GALNT2: variants seen among roughly 807,000 people sequenced by gnomAD.
GALNT2 encodes the protein polypeptide N-acetylgalactosaminyltransferase 2, also known as UDP-GalNAc:polypeptide N-acetylgalactosaminyltransferase 2.
GALNT2 carries 31 observed loss-of-function variants against 81.4 expected under a neutral mutation model. The observed-to-expected ratio is 0.38, with a 90% CI of 0.29 to 0.51. GALNT2 has a LOEUF of 0.51. GALNT2 is among the 20% of genes least tolerant of loss of function. GALNT2 has a pLI of 0.87. For missense variants in GALNT2, 629 were observed against 765.7 expected (o/e 0.82, Z 2.11); for synonymous variants, 303 against 287.4 (o/e 1.05, Z -0.55).
At chr1:230,269,046 G>T (rs950122337) in intron 14 of GALNT2, among the ~76,000 whole-genome samples, 32 of 152,138 alleles carry the variant, frequency 2.1e-4, no homozygotes, top group Non-Finnish European at 4.3e-4. Context: ...TCACATGTGG[G>T]CTTTCCCTTC....
intron 3 of GALNT2, among the ~76,000 whole-genome samples, chr1:230,225,486 T>A (rs1299633363): frequency 1.3e-5 from 2 of 152,166 alleles, no homozygotes; most frequent in East Asian, 3.9e-4. Context: ...GGGCTAGATC[T>A]TTTCAGCCTG....
intron 1 of GALNT2, among the ~76,000 whole-genome samples, chr1:230,117,977 G>A (rs974700789): frequency 6.6e-5 from 10 of 152,144 alleles, no homozygotes; most frequent in Admixed American, 1.3e-4. Context: ...GAATAGCTTC[G>A]CTGCCCTTGG....
intron 1 of GALNT2, among the ~76,000 whole-genome samples, chr1:230,072,221 C>T (rs1659397520): frequency 6.6e-6 from 1 of 151,948 alleles, no homozygotes; most frequent in Non-Finnish European, 1.5e-5. Context: ...TGCTACTGCT[C>T]ATGTTTCTTA....
chr1:230,204,355 G>A (rs1360465968), intron 3 of GALNT2, among the ~76,000 whole-genome samples: 2 of 151,628 alleles, frequency 1.3e-5, no homozygotes, highest in Non-Finnish European at 2.9e-5. Context: ...TTTTAGTAGA[G>A]ATGGGATTTC....
chr1:230,237,019 A>G (rs936684077), intron 6 of GALNT2, among the ~76,000 whole-genome samples: 2 of 152,214 alleles, frequency 1.3e-5, no homozygotes, highest in African/African-American at 2.4e-5. Context: ...CTTGAATACA[A>G]AAGTTTAGAA....
At chr1:230,264,898 T>G (rs1010510243) in intron 13 of GALNT2, 4 of 221,104 alleles carry the variant, frequency 1.8e-5, no homozygotes, top group African/African-American at 4.7e-5. Context: ...CAACAGGATC[T>G]GACCACATTG....
rs147018815 is a variant in GALNT2 at position 230,263,424 on chromosome 1, G to A, written c.1313+419G>A. Reference sequence around the variant, plus strand: ...CCGCCAGGCGCCTTTGCATGCCTCCGATCTGCTGCGCTCACCCTTGCTGCT... The same window carrying A: ...CCGCCAGGCGCCTTTGCATGCCTCCAATCTGCTGCGCTCACCCTTGCTGCT... On this transcript the variant is annotated intron_variant, in intron 13 of 15. Transcript: ENST00000366672. 79 of 191,900 alleles carry A rather than the reference G, an allele frequency of 4.1e-4. 1 individual carries two copies. In the South Asian group the frequency reaches 4.9e-3, roughly 12 times the overall value. 11.9% of individuals were successfully genotyped at this position (191,900 alleles called of 1,614,324 possible). A position where few individuals can be genotyped will look rare whatever the true frequency, so the allele number is the denominator to read the frequency against.
intron 3 of GALNT2, among the ~76,000 whole-genome samples, chr1:230,205,532 C>G (rs546084281): frequency 6.6e-6 from 1 of 152,312 alleles, no homozygotes; most frequent in South Asian, 2.1e-4. Context: ...CAGCTCTACT[C>G]AGTCCTTATG....
At chr1:230,262,715 G>A (rs879287458) in intron 12 of GALNT2, 50 bp downstream of exon 12, 1 of 1,459,518 alleles carries the variant, frequency 6.9e-7, no homozygotes, top group Non-Finnish European at 9.6e-7. Context: ...CTTGGGGTGT[G>A]GGGGTGGGAG....
Position 230,236,496 on chromosome 1 carries a change from A to G in GALNT2, c.541+76A>G, listed in dbSNP as rs1262772016. On this transcript the variant is annotated intron_variant, in intron 5 of 15. Coordinates refer to ENST00000366672, the MANE Select transcript of GALNT2 (RefSeq NM_004481.5). Reference sequence around the variant, plus strand: ...CAGTCTTCCTGTAGTGGGGGTGCTAATGAGGCGTGAACAAGCCAGAAATCA... The same window carrying G: ...CAGTCTTCCTGTAGTGGGGGTGCTAGTGAGGCGTGAACAAGCCAGAAATCA... 2.0e-6 allele frequency: 3 copies of G among 1,504,612 alleles called. No individual in the cohort carries two copies. In the African/African-American group the frequency reaches 4.1e-5, roughly 21 times the overall value. The allele number at this position is 1,504,612 out of a possible 1,614,324, so 93.2% of individuals were successfully genotyped here.
chr1:230,178,131 T>C (rs1663043602), intron 1 of GALNT2, 87 bp from the exon 2 acceptor site: 2 of 1,037,534 alleles, frequency 1.9e-6, no homozygotes, highest in Admixed American at 4.3e-5. Flanking sequence ...AAGTGTTAAC[T>C]CTCCTAAGAC....
intron 1 of GALNT2, among the ~76,000 whole-genome samples, chr1:230,133,449 CTTTT>C (rs71934973): frequency 1.4e-5 from 2 of 140,326 alleles, no homozygotes; most frequent in Non-Finnish European, 1.6e-5. Context: ...TTTCTTTTTT[CTTTT>C]TTTTTTTTTT....
Position 230,271,710 on chromosome 1 carries a change from G to A in GALNT2, c.1441-2735G>A, listed in dbSNP as rs72650168. 0.044 allele frequency among the ~76,000 whole-genome samples: 6,743 copies of A among 152,352 alleles called. 193 individuals are homozygous for A. The highest frequency in any genetic ancestry group is 0.065 in the Non-Finnish European group (4,391 of 68,036). On this transcript the variant is annotated intron_variant, in intron 14 of 15. Transcript: ENST00000366672. This position sits in a 1 kb window ranked among gnomAD's most constrained non-coding sequence, Gnocchi z 4.2. ...GACTGAAACCCAGGAGCAGCTGGAC[G>A]GGAGAGATGCATAGCACGCGGTGTG...
chr1:230,087,704 CT>C (rs1659941229), intron 1 of GALNT2, among the ~76,000 whole-genome samples: 1 of 152,212 alleles, frequency 6.6e-6, no homozygotes, highest in Non-Finnish European at 1.5e-5. Flanking sequence ...GAGTCTCCAT[CT>C]TTTGGGAGTA....
chr1:230,060,685 C>A (rs991267242), intron 1 of GALNT2, among the ~76,000 whole-genome samples: 5 of 152,194 alleles, frequency 3.3e-5, no homozygotes, highest in African/African-American at 1.2e-4. Context: ...CCAAACAAAC[C>A]TTTACTGCGA....
intron 2 of GALNT2, among the ~76,000 whole-genome samples, chr1:230,196,625 G>A (rs1414105689): frequency 1.3e-5 from 2 of 151,846 alleles, no homozygotes; most frequent in Admixed American, 6.6e-5. Flanking sequence ...AGATGGGAAG[G>A]TACAGCTCCA....
At chr1:230,149,085 T>C (rs1335718665) in intron 1 of GALNT2, among the ~76,000 whole-genome samples, 1 of 152,174 alleles carries the variant, frequency 6.6e-6, no homozygotes, top group African/African-American at 2.4e-5. Flanking sequence ...TTCTCCATAT[T>C]GCCCAGGCTG....
chr1:230,206,135 T>G (rs1158657669), intron 3 of GALNT2, among the ~76,000 whole-genome samples: 1 of 152,146 alleles, frequency 6.6e-6, no homozygotes, highest in Non-Finnish European at 1.5e-5. Context: ...TCCCACAAGA[T>G]TTTATCTTTA....
intron 3 of GALNT2, among the ~76,000 whole-genome samples, chr1:230,227,562 C>CATAT (rs574499167): frequency 3.4e-5 from 5 of 146,018 alleles, no homozygotes; most frequent in Non-Finnish European, 6.0e-5. Flanking sequence ...ATAATACAGC[C>CATAT]ATATATATAT....
Sources: allele counts gnomAD v4.1 joint callset (sites outside exome capture counted in the v4.1 genomes callset), GRCh38; gene constraint gnomAD v4.1.1; non-coding constraint Gnocchi (gnomAD v3.1); transcripts MANE v1.5; gene names NCBI Gene and HGNC (gene_info 2026-07-23, HGNC 2026-07-21).